Variants in KIF26B observed in about 807,000 individuals in gnomAD.
The protein encoded by KIF26B is kinesin family member 26B, also known as kinesin-like protein KIF26B.
In KIF26B, 63 loss-of-function variants were observed where a neutral mutation model predicts 151.2. The observed-to-expected ratio is 0.42, with a 90% CI of 0.34 to 0.51. KIF26B has a LOEUF of 0.51. KIF26B is among the 20% of genes least tolerant of loss of function. The probability of loss-of-function intolerance (pLI) is 0.07; values close to 1 mark genes in which losing one functional copy is unlikely to be tolerated. For synonymous variants in KIF26B, 1,357 were observed against 1,262.1 expected (o/e 1.08, Z -1.59); for missense variants, 2,813 against 2,913.6 (o/e 0.97, Z 0.79).
intron 2 of KIF26B, among the ~76,000 whole-genome samples, chr1:245,168,595 G>A (rs1194447432): frequency 6.6e-6 from 1 of 152,172 alleles, no homozygotes; most frequent in East Asian, 1.9e-4. Context: ...AATAACATAC[G>A]AAGAGTTCTT....
chr1:245,492,375 T>C (rs1361049996), intron 4 of KIF26B, among the ~76,000 whole-genome samples: 1 of 152,198 alleles, frequency 6.6e-6, no homozygotes, highest in Non-Finnish European at 1.5e-5. Context: ...TTTCTTCTGA[T>C]GGGGAGAGGG....
At chr1:245,532,759 A>G (rs1449194210) in intron 4 of KIF26B, among the ~76,000 whole-genome samples, 2 of 152,072 alleles carry the variant, frequency 1.3e-5, no homozygotes, top group Non-Finnish European at 2.9e-5. Flanking sequence ...TAATTTACAT[A>G]AAAATCAGGA....
chr1:245,187,550 G>C (rs568658835), intron 2 of KIF26B, among the ~76,000 whole-genome samples: 2 of 152,360 alleles, frequency 1.3e-5, no homozygotes, highest in South Asian at 4.1e-4. Context: ...TAATGCAGAG[G>C]AGTATTGCTG....
chr1:245,354,845 AGAG>A (rs1447918003), intron 2 of KIF26B, among the ~76,000 whole-genome samples: 1 of 152,270 alleles, frequency 6.6e-6, no homozygotes, highest in East Asian at 1.9e-4. Flanking sequence ...AGAAGGAATC[AGAG>A]GAGAGCACCT....
At chr1:245,556,309 CCTCCTTCTTCTT>C (rs1343929239) in intron 5 of KIF26B, among the ~76,000 whole-genome samples, 2,434 of 146,390 alleles carry the variant, frequency 0.017, 69 homozygotes, top group Middle Eastern at 0.086. Context: ...CCCTCCTCCT[CCTCCTTCTTCTT>C]CTTCCTCCTT....
chr1:245,389,293 A>G (rs1461857317), intron 3 of KIF26B, among the ~76,000 whole-genome samples: 1 of 151,992 alleles, frequency 6.6e-6, no homozygotes, highest in Non-Finnish European at 1.5e-5. Flanking sequence ...TTGTATTTTT[A>G]GTAGAGACAG....
rs1312661861 is a variant in KIF26B at position 245,705,725 on chromosome 1, G to A, written c.*3119G>A. On this transcript the variant is annotated 3_prime_UTR_variant, in exon 15 of 15. Coordinates refer to ENST00000407071, the MANE Select transcript of KIF26B (RefSeq NM_018012.4). ...GAGCAAAACTAAGATCTAAGAACGGGCGGTGGTGCTATTGTGTCCCTGGGA... is the reference window on the plus strand; with the variant it reads ...GAGCAAAACTAAGATCTAAGAACGGACGGTGGTGCTATTGTGTCCCTGGGA... The A allele has an allele frequency of 1.3e-5, 2 of 152,238 alleles. No individual in the cohort carries two copies. Among genetic ancestry groups the A allele is most frequent in the African/African-American group, 4.8e-5 (2 of 41,450 alleles). 9.4% of individuals were successfully genotyped at this position (152,238 alleles called of 1,614,324 possible). A position where few individuals can be genotyped will look rare whatever the true frequency, so the allele number is the denominator to read the frequency against.
chr1:245,156,596 C>G lies in KIF26B; in HGVS notation c.378C>G (p.Gly126=). The G allele has an allele frequency of 6.5e-7, 1 of 1,526,926 alleles. No homozygotes were observed. Among genetic ancestry groups the G allele is most frequent in the Non-Finnish European group, 8.7e-7 (1 of 1,143,598 alleles). The allele number at this position is 1,526,926 out of a possible 1,614,324, so 94.6% of individuals were successfully genotyped here. The change falls in exon 2 of 15, where the codon GGC becomes GGG. Residue 126 remains glycine (G), a synonymous_variant. Transcript: ENST00000407071. The part of the protein sequence containing the change: ...GGGSSPGSDR[G]VWCENCNARL... ...GCTCCTCCCCCGGCTCGGACCGCGGCGTCTGGTGCGAGAACTGCAACGCCC... is the reference window on the plus strand; with the variant it reads ...GCTCCTCCCCCGGCTCGGACCGCGGGGTCTGGTGCGAGAACTGCAACGCCC...
intron 2 of KIF26B, among the ~76,000 whole-genome samples, chr1:245,220,272 G>T (rs1220118663): frequency 8.5e-5 from 13 of 152,172 alleles, no homozygotes; most frequent in Non-Finnish European, 1.3e-4. Flanking sequence ...TCCTGACTGG[G>T]GTCTGAAGCC....
rs531996626 is a variant in KIF26B at position 245,251,337 on chromosome 1, C to T, written c.465+94654C>T. 4.6e-5 allele frequency among the ~76,000 whole-genome samples: 7 copies of T among 152,296 alleles called. No individual in the cohort carries two copies. In the South Asian group the frequency reaches 1.5e-3, roughly 32 times the overall value. On this transcript the variant is annotated intron_variant, in intron 2 of 14. Coordinates refer to ENST00000407071, the MANE Select transcript of KIF26B (RefSeq NM_018012.4). Reference sequence around the variant, plus strand: ...GCCAGCCAAGAGTCAACCTTGCAGGCAGGTCTTCTAACTTTCTAATTTTAA... The same window carrying T: ...GCCAGCCAAGAGTCAACCTTGCAGGTAGGTCTTCTAACTTTCTAATTTTAA...
chr1:245,367,133 C>T lies in KIF26B; in HGVS notation c.765C>T (p.Ser255=). The T allele has an allele frequency of 1.9e-6, 3 of 1,596,604 alleles. No homozygotes were observed. Among genetic ancestry groups the T allele is most frequent in the Non-Finnish European group, 2.6e-6 (3 of 1,171,892 alleles). The change falls in exon 3 of 15, where the codon TCC becomes TCT. Residue 255 remains serine (S), a synonymous_variant. Coordinates refer to ENST00000407071, the MANE Select transcript of KIF26B (RefSeq NM_018012.4). This position sits in a 1 kb window ranked among gnomAD's most constrained non-coding sequence, Gnocchi z 4.2. ...WAFVPAPCAT[S]NYTGFANKHG... Reference sequence around the variant, plus strand: ...TTGTGCCCGCCCCCTGTGCCACCTCCAACTACACAGGCTTCGCCAACAAGC... The same window carrying T: ...TTGTGCCCGCCCCCTGTGCCACCTCTAACTACACAGGCTTCGCCAACAAGC...
intron 9 of KIF26B, among the ~76,000 whole-genome samples, chr1:245,642,768 T>G (rs2043906914): frequency 6.6e-6 from 1 of 152,028 alleles, no homozygotes; most frequent in Admixed American, 6.5e-5. Flanking sequence ...GAGGGGTGTG[T>G]GTCACCCAGC....
At position 245,652,114 on chromosome 1, in the gene KIF26B, G is replaced by GTT. The variant is rs71976425; in HGVS notation, c.2258+5835_2258+5836insTT. Among the ~76,000 whole-genome samples, 1,235 of 133,474 alleles carry GTT rather than the reference G, an allele frequency of 9.3e-3. 17 individuals are homozygous for GTT. The highest frequency in any genetic ancestry group is 0.036 in the Admixed American group (487 of 13,554). 87.6% of individuals were successfully genotyped at this position (133,474 alleles called of 152,430 possible). A position where few individuals can be genotyped will look rare whatever the true frequency, so the allele number is the denominator to read the frequency against. The stretch of plus-strand genomic sequence containing the variant: ...TTCATGTAAGAATCTGTGTGTGTGT[G>GTT]TGTGTGTGTGTGTGTGTGTGTGTGT... On this transcript the variant is annotated intron_variant, in intron 10 of 14. Transcript: ENST00000407071.
intron 2 of KIF26B, among the ~76,000 whole-genome samples, chr1:245,323,788 G>A (rs1671930613): frequency 6.6e-6 from 1 of 152,246 alleles, no homozygotes; most frequent in Non-Finnish European, 1.5e-5. Flanking sequence ...CCTACTGTGT[G>A]TCCTCAAGGA....
At chr1:245,423,989 C>T (rs1478348472) in intron 4 of KIF26B, among the ~76,000 whole-genome samples, 1 of 151,764 alleles carries the variant, frequency 6.6e-6, no homozygotes, top group Non-Finnish European at 1.5e-5. Flanking sequence ...CAGGAATGCA[C>T]CACTGTGCCC....
intron 4 of KIF26B, among the ~76,000 whole-genome samples, chr1:245,455,536 CA>C (rs1558172828): frequency 6.6e-6 from 1 of 151,992 alleles, no homozygotes; most frequent in Non-Finnish European, 1.5e-5. Context: ...AAACAACACA[CA>C]AAAAAACATA....
chr1:245,550,305 G>C (rs1266849784), intron 5 of KIF26B, among the ~76,000 whole-genome samples: 1 of 152,188 alleles, frequency 6.6e-6, no homozygotes, highest in Non-Finnish European at 1.5e-5. Flanking sequence ...CGCTGAAATC[G>C]GTGATGGTAA....
intron 5 of KIF26B, among the ~76,000 whole-genome samples, chr1:245,586,002 TA>T (rs2043219849): frequency 6.6e-6 from 1 of 151,822 alleles, no homozygotes; most frequent in Non-Finnish European, 1.5e-5. Flanking sequence ...TTTAGTTTTT[TA>T]ATGTTTTTAG....
chr1:245,420,873 A>G (rs1419482635), intron 4 of KIF26B, among the ~76,000 whole-genome samples: 1 of 152,246 alleles, frequency 6.6e-6, no homozygotes, highest in East Asian at 1.9e-4. Flanking sequence ...TGATTAGGAC[A>G]GCGGCAAGGC....
Sources: allele counts gnomAD v4.1 joint callset (sites outside exome capture counted in the v4.1 genomes callset), GRCh38; gene constraint gnomAD v4.1.1; non-coding constraint Gnocchi (gnomAD v3.1); transcripts MANE v1.5; gene names NCBI Gene and HGNC (gene_info 2026-07-23, HGNC 2026-07-21).